Variants in ALPL observed in about 807,000 individuals in gnomAD.
ALPL encodes alkaline phosphatase, biomineralization associated.
A neutral mutation model predicts 51.3 loss-of-function variants in ALPL; 42 were observed. That is an observed-to-expected ratio of 0.82 (90% CI 0.64 to 1.06). The LOEUF is 1.06. ALPL is among the 50% of genes least tolerant of loss of function. ALPL has a pLI of 0.00. For synonymous variants in ALPL, 279 were observed against 296.4 expected, an observed-to-expected ratio of 0.94 and a Z score of 0.60; for missense variants, 589 against 709.4, an observed-to-expected ratio of 0.83 and a Z score of 1.93.
intron 2 of ALPL, among the ~76,000 whole-genome samples, chr1:21,554,646 G>A (rs1341643510): frequency 8.0e-5 from 12 of 150,712 alleles, no homozygotes; most frequent in South Asian, 6.3e-4. Context: ...GCCCGCCACC[G>A]CGCCAGGCTA....
At chr1:21,548,643 G>A (rs935923324) in intron 1 of ALPL, among the ~76,000 whole-genome samples, 20 of 152,156 alleles carry the variant, frequency 1.3e-4, no homozygotes, top group African/African-American at 3.9e-4. Flanking sequence ...TCGCTCACCT[G>A]TTTTGGACCC....
chr1:21,551,751 A>G (rs1272491434), intron 1 of ALPL, among the ~76,000 whole-genome samples: 5 of 92,790 alleles, frequency 5.4e-5, no homozygotes, highest in Non-Finnish European at 9.2e-5. Context: ...TTTTTGAGAC[A>G]GAGTCTCGCT....
chr1:21,557,485 C>T (rs1644428720), intron 2 of ALPL, among the ~76,000 whole-genome samples: 1 of 152,238 alleles, frequency 6.6e-6, no homozygotes, highest in Non-Finnish European at 1.5e-5. Flanking sequence ...GGGTCCCTGC[C>T]TTCTCAGCAC....
At chr1:21,572,659 G>A (rs1644665964) in intron 8 of ALPL, among the ~76,000 whole-genome samples, 1 of 152,148 alleles carries the variant, frequency 6.6e-6, no homozygotes, top group Non-Finnish European at 1.5e-5. Context: ...GGGAGCTATT[G>A]TTCGGCTGTG....
chr1:21,526,395 C>T (rs1281223766), intron 1 of ALPL, among the ~76,000 whole-genome samples: 1 of 152,192 alleles, frequency 6.6e-6, no homozygotes, highest in African/African-American at 2.4e-5. Context: ...CTGCCTCGGC[C>T]TCCCAAAGTG....
At chr1:21,556,125 G>A (rs532778567) in intron 2 of ALPL, among the ~76,000 whole-genome samples, 9 of 152,200 alleles carry the variant, frequency 5.9e-5, no homozygotes, top group African/African-American at 2.2e-4. Flanking sequence ...CCACAGCATG[G>A]CATGGTGTTT....
chr1:21,517,728 CT>C (rs1643827145), intron 1 of ALPL, among the ~76,000 whole-genome samples: 1 of 152,130 alleles, frequency 6.6e-6, no homozygotes, highest in African/African-American at 2.4e-5. Flanking sequence ...TCTGGCTACC[CT>C]CCCTACCACG....
intron 1 of ALPL, among the ~76,000 whole-genome samples, chr1:21,534,087 C>T (rs935007188): frequency 8.5e-5 from 13 of 152,092 alleles, no homozygotes; most frequent in African/African-American, 1.4e-4. Flanking sequence ...TGGGCTGAAG[C>T]GATCCTCCAG....
Position 21,564,225 on chromosome 1 carries a change from TCGGGG to T in ALPL, c.648+10_648+14del. The T allele has an allele frequency of 6.2e-7, 1 of 1,613,096 alleles. No individual in the cohort carries two copies. Among genetic ancestry groups the T allele is most frequent in the Non-Finnish European group, 8.5e-7 (1 of 1,179,804 alleles). ...ACATCAGGGACATTGACGTGAGTGC[TCGGGG>T]GCAGCCGGGCAGGGACGGGGTGAGG... On this transcript the variant is annotated intron_variant, in intron 6 of 11. Coordinates refer to ENST00000374840, the MANE Select transcript of ALPL (RefSeq NM_000478.6). The surrounding 1 kb of genome is among the most constrained non-coding windows in gnomAD (Gnocchi z 5.8).
At chr1:21,562,635 G>C (rs1644500096) in intron 4 of ALPL, among the ~76,000 whole-genome samples, 1 of 152,084 alleles carries the variant, frequency 6.6e-6, no homozygotes, top group African/African-American at 2.4e-5. Flanking sequence ...CCGCAGGGCA[G>C]GTGGCAGAGA....
intron 6 of ALPL, among the ~76,000 whole-genome samples, chr1:21,566,604 T>C (rs1258827561): frequency 6.8e-6 from 1 of 146,490 alleles, no homozygotes. Context: ...TTTATTTTAT[T>C]TTTGAGACAG....
chr1:21,565,044 T>C (rs1207187351), intron 6 of ALPL, among the ~76,000 whole-genome samples: 1 of 152,154 alleles, frequency 6.6e-6, no homozygotes, highest in East Asian at 1.9e-4. Flanking sequence ...ATCTGGGGAC[T>C]TCTGCCCCTT....
At chr1:21,511,032 A>G (rs533407251) in intron 1 of ALPL, among the ~76,000 whole-genome samples, 1 of 152,352 alleles carries the variant, frequency 6.6e-6, no homozygotes, top group East Asian at 1.9e-4. Flanking sequence ...TGTGAGGAAT[A>G]AAACTGAACT....
At position 21,564,113 on chromosome 1, in the gene ALPL, C is replaced by T. The variant is rs1644528947; in HGVS notation, c.545C>T (p.Ala182Val). Residue 182 changes from alanine (A) to valine (V), a missense_variant, in exon 6 of 12, where the codon GCT becomes GTT. By Grantham distance (64) the Ala-to-Val change is moderately conservative. Transcript: ENST00000374840. This position sits in a 1 kb window ranked among gnomAD's most constrained non-coding sequence, Gnocchi z 5.8. The part of the protein sequence containing the change: ...ATPSAAYAHS[A>V]DRDWYSDNEM... ...CCCAGCGCCGCCTACGCCCACTCGG[C>T]TGACCGGGACTGGTACTCAGACAAC... 6.2e-7 allele frequency: 1 copy of T among 1,613,966 alleles called. No homozygotes were observed. Among genetic ancestry groups the T allele is most frequent in the Admixed American group, 1.7e-5 (1 of 60,000 alleles).
chr1:21,536,578 G>A (rs764573748), intron 1 of ALPL, among the ~76,000 whole-genome samples: 2 of 152,154 alleles, frequency 1.3e-5, no homozygotes, highest in African/African-American at 4.8e-5. Flanking sequence ...CTGAGAGGTT[G>A]CTTCCTCTTC....
intron 2 of ALPL, among the ~76,000 whole-genome samples, chr1:21,558,770 C>T (rs904800492): frequency 1.3e-4 from 20 of 152,090 alleles, no homozygotes; most frequent in African/African-American, 4.6e-4. Flanking sequence ...TGGGGAGGGG[C>T]GTGGGGTGTG....
rs768976020 is a variant in ALPL at position 21,573,796 on chromosome 1, G to T, written c.994G>T (p.Glu332Ter). ...KNPKGFFLLVEGGRIDHGHHE... is the reference protein window; with the variant it reads ...KNPKGFFLLV ...CCCCAAAGGCTTCTTCTTGCTGGTG[G>T]AAGGTAGGGACCCCGGGTCTGCTGA... The change falls in exon 9 of 12, where the codon GAA becomes TAA. Residue 332 changes from glutamate (E) to a stop codon, truncating the protein, a stop_gained. Coordinates refer to ENST00000374840, the MANE Select transcript of ALPL (RefSeq NM_000478.6). LOFTEE classifies it high-confidence loss of function. 3 of 1,614,078 alleles carry T rather than the reference G, an allele frequency of 1.9e-6. No individual in the cohort carries two copies. The Admixed American group carries it at 5.0e-5, about 27-fold the overall frequency.
At chr1:21,547,646 A>G (rs776015820) in intron 1 of ALPL, among the ~76,000 whole-genome samples, 49 of 152,038 alleles carry the variant, frequency 3.2e-4, no homozygotes, top group Admixed American at 9.2e-4. Flanking sequence ...CTTACTCTTC[A>G]TGGTGGGGAA....
At chr1:21,540,354 C>T (rs765470852) in intron 1 of ALPL, among the ~76,000 whole-genome samples, 1 of 152,190 alleles carries the variant, frequency 6.6e-6, no homozygotes, top group African/African-American at 2.4e-5. Flanking sequence ...TGGCTTCAGT[C>T]CTCTGCCCAC....
Sources: allele counts gnomAD v4.1 joint callset (sites outside exome capture counted in the v4.1 genomes callset), GRCh38; gene constraint gnomAD v4.1.1; non-coding constraint Gnocchi (gnomAD v3.1); transcripts MANE v1.5; gene names NCBI Gene and HGNC (gene_info 2026-07-23, HGNC 2026-07-21).